Variants in RBFOX1 observed in about 807,000 individuals in gnomAD.
The protein encoded by RBFOX1 is RNA binding fox-1 homolog 1.
In RBFOX1, 8 loss-of-function variants were observed where a neutral mutation model predicts 57.7. The observed-to-expected ratio is 0.14, with a 90% confidence interval of 0.08 to 0.25. RBFOX1 has a LOEUF of 0.25. Ranked by LOEUF, RBFOX1 falls within the 10% of genes least tolerant of loss-of-function variation. The pLI, the probability that RBFOX1 is intolerant of heterozygous loss-of-function variation, is 1.00. For missense variants in RBFOX1, 611 were observed against 548.5 expected (o/e 1.11, Z -1.14); for synonymous variants, 326 against 222.4 (o/e 1.47, Z -4.15).
At chr16:5,690,702 A>T (rs2050647799) in intron 3 of RBFOX1, among the ~76,000 whole-genome samples, 1 of 152,190 alleles carries the variant, frequency 6.6e-6, no homozygotes, top group Non-Finnish European at 1.5e-5. Context: ...TTTTCAAATG[A>T]ATGGGTACAG....
intron 1 of RBFOX1, among the ~76,000 whole-genome samples, chr16:6,054,615 A>G (rs956198568): frequency 1.3e-5 from 2 of 152,166 alleles, no homozygotes; most frequent in Admixed American, 1.3e-4. Flanking sequence ...TGGAGAAAAA[A>G]ATCATGAGTT....
At chr16:7,083,975 C>A (rs1286410674) in intron 4 of RBFOX1, among the ~76,000 whole-genome samples, 1 of 152,048 alleles carries the variant, frequency 6.6e-6, no homozygotes, top group Non-Finnish European at 1.5e-5. Flanking sequence ...AGCTGTTTGC[C>A]CCGCTCACAG....
At chr16:5,685,599 C>G (rs1405123219) in intron 3 of RBFOX1, among the ~76,000 whole-genome samples, 2 of 152,158 alleles carry the variant, frequency 1.3e-5, no homozygotes, top group Non-Finnish European at 2.9e-5. Context: ...TTAAATTGAA[C>G]TTTGTAGGTT....
At chr16:6,385,652 C>T (rs2092213657) in intron 2 of RBFOX1, among the ~76,000 whole-genome samples, 1 of 152,184 alleles carries the variant, frequency 6.6e-6, no homozygotes, top group Non-Finnish European at 1.5e-5. Context: ...TTTTTCCCAT[C>T]TTTAAAATGG....
chr16:6,554,498 T>G (rs553086730), intron 2 of RBFOX1, among the ~76,000 whole-genome samples: 3 of 152,326 alleles, frequency 2.0e-5, no homozygotes, highest in African/African-American at 7.2e-5. Flanking sequence ...TGAAAGCTAC[T>G]GAATCGTGTA....
chr16:7,405,959 A>C (rs962700615), intron 4 of RBFOX1, among the ~76,000 whole-genome samples: 1 of 152,156 alleles, frequency 6.6e-6, no homozygotes, highest in African/African-American at 2.4e-5. Context: ...GAGGGATGCA[A>C]CTGACATCGA....
At chr16:7,327,372 G>T (rs908091106) in intron 4 of RBFOX1, among the ~76,000 whole-genome samples, 6 of 152,206 alleles carry the variant, frequency 3.9e-5, no homozygotes, top group Non-Finnish European at 5.9e-5. Context: ...ACAGGGTAAA[G>T]TGAGGAATAT....
chr16:6,744,764 C>T (rs950148327), intron 3 of RBFOX1, among the ~76,000 whole-genome samples: 3 of 151,970 alleles, frequency 2.0e-5, no homozygotes, highest in Non-Finnish European at 2.9e-5. Context: ...AAATCACTTA[C>T]TTTATCTTCT....
chr16:5,860,934 C>CA (rs1210898867), intron 3 of RBFOX1, among the ~76,000 whole-genome samples: 1 of 152,208 alleles, frequency 6.6e-6, no homozygotes, highest in Non-Finnish European at 1.5e-5. Flanking sequence ...GAGAAAGCTT[C>CA]ATTCTCTGCT....
chr16:5,784,049 G>C (rs563442851), intron 3 of RBFOX1, among the ~76,000 whole-genome samples: 27 of 152,308 alleles, frequency 1.8e-4, no homozygotes, highest in African/African-American at 5.8e-4. Flanking sequence ...TGGTTCTGCA[G>C]GCTGTACGGG....
At chr16:6,679,220 C>T (rs1264996206) in intron 3 of RBFOX1, among the ~76,000 whole-genome samples, 2 of 151,920 alleles carry the variant, frequency 1.3e-5, no homozygotes, top group Non-Finnish European at 2.9e-5. Flanking sequence ...TCAGTTTTGA[C>T]GATGACATGA....
At chr16:5,295,597 G>T (rs1366783813) in intron 1 of RBFOX1, among the ~76,000 whole-genome samples, 1 of 152,164 alleles carries the variant, frequency 6.6e-6, no homozygotes, top group Non-Finnish European at 1.5e-5. Flanking sequence ...CCGGTTTCTT[G>T]CTGCCCTCAG....
At chr16:5,807,954 A>G (rs77016254) in intron 3 of RBFOX1, among the ~76,000 whole-genome samples, 3,032 of 152,276 alleles carry the variant, frequency 0.02, 105 homozygotes, top group African/African-American at 0.068. Context: ...GGGGTTATTC[A>G]GTCCATTTCT....
At chr16:6,670,527 A>C (rs2098757564) in intron 3 of RBFOX1, among the ~76,000 whole-genome samples, 1 of 152,240 alleles carries the variant, frequency 6.6e-6, no homozygotes, top group African/African-American at 2.4e-5. Flanking sequence ...AACAGAAAAC[A>C]TACCCCCAAA....
chr16:5,811,526 C>G (rs2055432497), intron 3 of RBFOX1, among the ~76,000 whole-genome samples: 1 of 151,774 alleles, frequency 6.6e-6, no homozygotes, highest in Non-Finnish European at 1.5e-5. Context: ...TCTCAGCTCA[C>G]CGCAACCTCT....
At chr16:7,315,647 A>AAT (rs5815396) in intron 4 of RBFOX1, among the ~76,000 whole-genome samples, 4,341 of 148,820 alleles carry the variant, frequency 0.029, 65 homozygotes, top group Non-Finnish European at 0.039. Context: ...TGGAGAACAG[A>AAT]ATATATATAT....
At chr16:6,211,950 A>C (rs2097301375) in intron 1 of RBFOX1, among the ~76,000 whole-genome samples, 1 of 151,946 alleles carries the variant, frequency 6.6e-6, no homozygotes, top group Admixed American at 6.6e-5. Context: ...CCCAGGTTCA[A>C]GTAATTCTCA....
chr16:7,333,159 G>A (rs1047752267), intron 4 of RBFOX1: 7 of 1,435,762 alleles, frequency 4.9e-6, no homozygotes, highest in African/African-American at 2.8e-5. Context: ...AATTTTTATG[G>A]TTGAGAAAGC....
intron 4 of RBFOX1, among the ~76,000 whole-genome samples, chr16:7,280,051 T>G (rs546712475): frequency 6.6e-6 from 1 of 152,220 alleles, no homozygotes; most frequent in Non-Finnish European, 1.5e-5. Context: ...CCCGCTGCGA[T>G]TGGATCTGTA....
Sources: allele counts gnomAD v4.1 joint callset (sites outside exome capture counted in the v4.1 genomes callset), GRCh38; gene constraint gnomAD v4.1.1; transcripts MANE v1.5; gene names NCBI Gene and HGNC (gene_info 2026-07-23, HGNC 2026-07-21).